MAP2K6: variants seen among roughly 807,000 people sequenced by gnomAD.
The protein encoded by MAP2K6 is dual specificity mitogen-activated protein kinase kinase 6.
A neutral mutation model predicts 53.7 loss-of-function variants in MAP2K6; 16 were observed. That is an observed-to-expected ratio of 0.30 (90% CI 0.20 to 0.45). The LOEUF (loss-of-function observed/expected upper bound fraction) is 0.45, where lower values mean the gene tolerates loss of function less well. Ranked by LOEUF, MAP2K6 falls within the 20% of genes least tolerant of loss-of-function variation. MAP2K6 has a pLI of 1.00. For missense variants in MAP2K6, 204 were observed against 411.9 expected (o/e 0.50, Z 4.37); for synonymous variants, 132 against 143.1 (o/e 0.92, Z 0.55).
intron 1 of MAP2K6, among the ~76,000 whole-genome samples, chr17:69,424,781 T>C (rs956892702): frequency 1.2e-4 from 19 of 152,338 alleles, no homozygotes; most frequent in African/African-American, 4.6e-4. Flanking sequence ...CTTTTTGACA[T>C]GTCCCTTTAT....
At chr17:69,464,097 AT>A (rs1300146051) in intron 1 of MAP2K6, among the ~76,000 whole-genome samples, 1 of 151,910 alleles carries the variant, frequency 6.6e-6, no homozygotes, top group African/African-American at 2.4e-5. Flanking sequence ...TTATTTACTT[AT>A]TTTTTTGAGA....
rs1265189230 is a variant in MAP2K6, at chr17:69,505,811, A to C, written c.48A>C (p.Pro16=). The change falls in exon 2 of 12, where the codon CCA becomes CCC. Residue 16 remains proline, a synonymous_variant. Transcript: ENST00000590474. ...AGCGAAACCCTGGCCTTAAAATTCCAAAAGAAGCATTTGAACAACCTCAGA... is the reference window on the plus strand; with the variant it reads ...AGCGAAACCCTGGCCTTAAAATTCCCAAAGAAGCATTTGAACAACCTCAGA... ...GKKRNPGLKI[P]KEAFEQPQTS... The C allele has an allele frequency of 6.2e-7, 1 of 1,613,994 alleles. No individual in the cohort carries two copies. The highest frequency in any genetic ancestry group is 8.5e-7 in the Non-Finnish European group (1 of 1,179,892).
intron 1 of MAP2K6, among the ~76,000 whole-genome samples, chr17:69,485,890 A>G (rs1399770385): frequency 6.6e-6 from 1 of 152,186 alleles, no homozygotes; most frequent in Non-Finnish European, 1.5e-5. Flanking sequence ...GTAGTAACAA[A>G]TGTACAAAAA....
chr17:69,504,705 G>C (rs568699819), intron 1 of MAP2K6: 2 of 154,294 alleles, frequency 1.3e-5, no homozygotes, highest in Non-Finnish European at 2.9e-5. Context: ...TGCTTCCTGA[G>C]CTGGCATTTC....
chr17:69,449,517 GTCTTTCTTTCTTTGT>G (rs1567821624), intron 1 of MAP2K6, among the ~76,000 whole-genome samples: 6 of 97,050 alleles, frequency 6.2e-5, no homozygotes, highest in Admixed American at 2.8e-4. Flanking sequence ...TTCTTTCTTT[GTCTTTCTTTCTTTGT>G]CTTTCTTTCT....
At chr17:69,518,198 TTAA>T (rs71144699) in intron 4 of MAP2K6, among the ~76,000 whole-genome samples, 2 of 149,504 alleles carry the variant, frequency 1.3e-5, no homozygotes, top group African/African-American at 4.9e-5. Context: ...TCAAATAATA[TTAA>T]TAATAATAAT....
intron 10 of MAP2K6, 176 bp from the exon 11 acceptor site, chr17:69,535,939 G>A (rs1911334031): frequency 5.5e-6 from 3 of 549,164 alleles, no homozygotes; most frequent in Non-Finnish European, 9.8e-6. Context: ...GCACAACCAG[G>A]GTGATTTAAA....
intron 1 of MAP2K6, among the ~76,000 whole-genome samples, chr17:69,462,171 A>G (rs1307280451): frequency 6.6e-6 from 1 of 152,142 alleles, no homozygotes; most frequent in Non-Finnish European, 1.5e-5. Flanking sequence ...CAGGGTTTAA[A>G]TATAGCAAGG....
chr17:69,524,735 T>C (rs1392873872), intron 8 of MAP2K6, among the ~76,000 whole-genome samples, 166 bp from the exon 9 acceptor site: 1 of 152,136 alleles, frequency 6.6e-6, no homozygotes, highest in East Asian at 1.9e-4. Flanking sequence ...CACGGAGGCA[T>C]TGATATTTGT....
chr17:69,524,476 T>A (rs1910656771), intron 8 of MAP2K6, among the ~76,000 whole-genome samples: 1 of 151,110 alleles, frequency 6.6e-6, no homozygotes, highest in Non-Finnish European at 1.5e-5. Flanking sequence ...GTGCTTTGAA[T>A]TGAAAAGCTT....
chr17:69,549,457 A>G lies in MAP2K6; in HGVS notation c.*7704A>G, dbSNP rs533725462. The G allele has an allele frequency of 6.6e-6, 1 of 152,284 alleles. No homozygotes were observed. Among genetic ancestry groups the G allele is most frequent in the South Asian group, 2.1e-4 (1 of 4,824 alleles). The allele number at this position is 152,284 out of a possible 1,614,324, so 9.4% of individuals were successfully genotyped here. The stretch of plus-strand genomic sequence containing the variant: ...GTCTTTTCTGTTTTCCTTTGCTACA[A>G]TTTGCTTGTTATTTCTCTGCCGGTC... On this transcript the variant is annotated 3_prime_UTR_variant, in exon 12 of 12. Coordinates refer to ENST00000590474, the MANE Select transcript of MAP2K6 (RefSeq NM_002758.4).
At chr17:69,418,802 C>T (rs1449141854) in intron 1 of MAP2K6, among the ~76,000 whole-genome samples, 1 of 152,070 alleles carries the variant, frequency 6.6e-6, no homozygotes, top group Non-Finnish European at 1.5e-5. Context: ...AGCAAAACCA[C>T]AGGCTTTGAA....
intron 1 of MAP2K6, among the ~76,000 whole-genome samples, chr17:69,497,220 T>G (rs919941361): frequency 6.6e-6 from 1 of 152,212 alleles, no homozygotes; most frequent in Non-Finnish European, 1.5e-5. Context: ...GTGGAAGACA[T>G]GGATGAACAG....
intron 1 of MAP2K6, among the ~76,000 whole-genome samples, chr17:69,449,846 C>T (rs1296769296): frequency 1.3e-5 from 2 of 151,526 alleles, no homozygotes; most frequent in African/African-American, 4.8e-5. Context: ...ATCTCCTGAC[C>T]TCGTGATCCG....
chr17:69,474,491 T>G (rs1351269207), intron 1 of MAP2K6, among the ~76,000 whole-genome samples: 1 of 152,242 alleles, frequency 6.6e-6, no homozygotes, highest in Non-Finnish European at 1.5e-5. Context: ...AGCAGTTGTC[T>G]GCCTGGCAAA....
chr17:69,506,422 T>TA (rs1491579350), intron 2 of MAP2K6, among the ~76,000 whole-genome samples: 1 of 149,358 alleles, frequency 6.7e-6, no homozygotes, highest in Non-Finnish European at 1.5e-5. Flanking sequence ...TTTTTTTTTT[T>TA]ATTTTTATTT....
Position 69,448,244 on chromosome 17 carries a change from G to GT in MAP2K6, c.16+33258dup, listed in dbSNP as rs66982276. Among the ~76,000 whole-genome samples the GT allele has an allele frequency of 1.1e-3, 157 of 138,808 alleles. 1 individual carries two copies. The highest frequency in any genetic ancestry group is 3.7e-3 in the East Asian group (18 of 4,824). 91.1% of individuals were successfully genotyped at this position (138,808 alleles called of 152,430 possible). On this transcript the variant is annotated intron_variant, in intron 1 of 11. Coordinates refer to ENST00000590474, the MANE Select transcript of MAP2K6 (RefSeq NM_002758.4). ...AATATTGTAATATGGTTTTGTTTTT[G>GT]TTTTTTTTTTTTTTCAAATTCAAGT...
At chr17:69,420,659 A>G (rs953273801) in intron 1 of MAP2K6, among the ~76,000 whole-genome samples, 1 of 152,256 alleles carries the variant, frequency 6.6e-6, no homozygotes, top group Non-Finnish European at 1.5e-5. Context: ...CACAGGGAGA[A>G]GTCAGATCTA....
chr17:69,486,488 A>T (rs1908542378), intron 1 of MAP2K6, among the ~76,000 whole-genome samples: 2 of 152,204 alleles, frequency 1.3e-5, no homozygotes, highest in South Asian at 4.1e-4. Context: ...GTCTAGTCTG[A>T]GACTGATGAG....
Sources: allele counts gnomAD v4.1 joint callset (sites outside exome capture counted in the v4.1 genomes callset), GRCh38; gene constraint gnomAD v4.1.1; transcripts MANE v1.5; gene names NCBI Gene and HGNC (gene_info 2026-07-23, HGNC 2026-07-21).